The following MRC1 variants were observed in gnomAD, a reference collection of about 807,000 sequenced individuals.
MRC1 encodes the protein mannose receptor C-type 1.
A neutral mutation model predicts 102.9 loss-of-function variants in MRC1; 62 were observed. The observed-to-expected ratio is 0.60, with a 90% CI of 0.49 to 0.74. The LOEUF (loss-of-function observed/expected upper bound fraction) is 0.74, where lower values mean the gene tolerates loss of function less well. Among genes scored for constraint, MRC1 ranks in the 30% least tolerant of loss-of-function variants. The pLI, the probability that MRC1 is intolerant of heterozygous loss-of-function variation, is 0.00. For missense variants in MRC1, 1,237 were observed against 862.8 expected, an observed-to-expected ratio of 1.43 and a Z score of -5.43; for synonymous variants, 457 against 298.4, an observed-to-expected ratio of 1.53 and a Z score of -5.48.
intron 8 of MRC1, among the ~76,000 whole-genome samples, chr10:17,855,942 G>C (rs1833083348): frequency 6.6e-6 from 1 of 152,100 alleles, no homozygotes; most frequent in African/African-American, 2.4e-5. Context: ...GCCAAGGTGG[G>C]TGGATCGCCT....
At chr10:17,830,652 C>T (rs1554838986) in intron 3 of MRC1, among the ~76,000 whole-genome samples, 1 of 151,250 alleles carries the variant, frequency 6.6e-6, no homozygotes, top group African/African-American at 2.5e-5. Flanking sequence ...GTTTAGCTTC[C>T]AGCATCAGTT....
chr10:17,823,133 C>G lies in MRC1; in HGVS notation c.121C>G (p.Pro41Ala). ...DHKRCVDAVS[P>A]SAVQTAACNQ... ...CAAGCGCTGCGTGGATGCAGTGAGT[C>G]CCAGTGCCGTCCAAACCGCAGCTTG... Residue 41 changes from proline to alanine, a missense_variant, in exon 2 of 30, where the codon CCC becomes GCC. By Grantham distance (27) the Pro-to-Ala change is conservative (BLOSUM62 -1). Coordinates refer to ENST00000569591, the MANE Select transcript of MRC1 (RefSeq NM_002438.4). 1.3e-6 allele frequency: 1 copy of G among 780,810 alleles called. No individual in the cohort carries two copies. The highest frequency in any genetic ancestry group is 2.4e-6 in the Non-Finnish European group (1 of 417,952). The allele number at this position is 780,810 out of a possible 1,614,324, so 48.4% of individuals were successfully genotyped here. A position where few individuals can be genotyped will look rare whatever the true frequency, so the allele number is the denominator to read the frequency against.
At chr10:17,861,760 A>T (rs1237132096) in intron 10 of MRC1, among the ~76,000 whole-genome samples, 2 of 152,168 alleles carry the variant, frequency 1.3e-5, no homozygotes, top group Non-Finnish European at 2.9e-5. Flanking sequence ...TAGTTTATGG[A>T]GCTAACTTTT....
intron 1 of MRC1, among the ~76,000 whole-genome samples, chr10:17,817,100 T>C (rs1838323841): frequency 6.6e-6 from 1 of 151,828 alleles, no homozygotes; most frequent in Non-Finnish European, 1.5e-5. Context: ...ATACAAAAAT[T>C]AGCTGGGTGT....
At chr10:17,846,753 C>T (rs1838831627) in intron 6 of MRC1, among the ~76,000 whole-genome samples, 1 of 152,120 alleles carries the variant, frequency 6.6e-6, no homozygotes, top group Admixed American at 6.6e-5. Flanking sequence ...AGAATATAAA[C>T]AGCTTCTATG....
rs1833779405 is a variant in MRC1, at chr10:17,898,049, ATCC to A, written c.3270_3272del (p.Pro1091del). On this transcript the variant is annotated inframe_deletion, in exon 24 of 30. Transcript: ENST00000569591. ...TTTTATCTAGACCCTTCCTTGACTA[ATCC>A]TCCAGCAACGATTCAAACAGATGGC... The A allele has an allele frequency of 3.8e-6, 3 of 780,696 alleles. No homozygotes were observed. The highest frequency in any genetic ancestry group is 7.2e-6 in the Non-Finnish European group (3 of 417,946). The allele number at this position is 780,696 out of a possible 1,614,324, so 48.4% of individuals were successfully genotyped here. A position where few individuals can be genotyped will look rare whatever the true frequency, so the allele number is the denominator to read the frequency against.
chr10:17,899,033 AG>A (rs2130715289), intron 24 of MRC1, among the ~76,000 whole-genome samples: 1 of 152,226 alleles, frequency 6.6e-6, no homozygotes, highest in South Asian at 2.1e-4. Context: ...AGGACCAAGA[AG>A]GTTCCTCAGA....
chr10:17,907,674 G>A lies in MRC1; in HGVS notation c.4054G>A (p.Gly1352Arg). The A allele has an allele frequency of 1.3e-6, 1 of 780,808 alleles. No individual in the cohort carries two copies. Among genetic ancestry groups the A allele is most frequent in the South Asian group, 1.3e-5 (1 of 74,608 alleles). The allele number at this position is 780,808 out of a possible 1,614,324, so 48.4% of individuals were successfully genotyped here. Residue 1352 changes from glycine to arginine, a missense_variant, in exon 28 of 30, where the codon GGA (glycine) becomes AGA (arginine). Transcript: ENST00000569591. ...WSNIHCSSYK[G>R]YICKRPKIID... ...TAATATTCACTGTTCATCCTACAAAGGATATATTTGTAAAAGACCAAAAAG... is the reference window on the plus strand; with the variant it reads ...TAATATTCACTGTTCATCCTACAAAAGATATATTTGTAAAAGACCAAAAAG...
intron 22 of MRC1, among the ~76,000 whole-genome samples, chr10:17,889,912 C>G (rs1348629461): frequency 3.9e-5 from 6 of 152,246 alleles, no homozygotes; most frequent in African/African-American, 1.2e-4. Flanking sequence ...TTTATTCCTT[C>G]TCTAATGCTT....
intron 1 of MRC1, among the ~76,000 whole-genome samples, chr10:17,819,965 A>C (rs1250868728): frequency 6.6e-6 from 1 of 152,242 alleles, no homozygotes; most frequent in East Asian, 1.9e-4. Context: ...GAACAAACAA[A>C]AACAGAAATA....
At chr10:17,818,769 A>G (rs1276289323) in intron 1 of MRC1, among the ~76,000 whole-genome samples, 1 of 152,244 alleles carries the variant, frequency 6.6e-6, no homozygotes, top group Non-Finnish European at 1.5e-5. Context: ...ACTGTACTCC[A>G]GCCTGGGTGA....
intron 15 of MRC1, among the ~76,000 whole-genome samples, chr10:17,872,564 C>T (rs966954410): frequency 3.3e-5 from 5 of 152,218 alleles, no homozygotes; most frequent in Non-Finnish European, 5.9e-5. Context: ...AAATGTTCCA[C>T]ACAGTGAACA....
chr10:17,885,193 A>G (rs1441116017), intron 21 of MRC1, 76 bp from the exon 22 acceptor site: 2 of 776,726 alleles, frequency 2.6e-6, no homozygotes, highest in African/African-American at 1.7e-5. Flanking sequence ...TTTGAAATTC[A>G]TATATTTTGA....
intron 9 of MRC1, among the ~76,000 whole-genome samples, chr10:17,860,277 T>TG (rs1230877522): frequency 6.6e-6 from 1 of 151,482 alleles, no homozygotes; most frequent in African/African-American, 2.4e-5. Flanking sequence ...CATTTCTGTT[T>TG]TTTTTTTTTT....
intron 1 of MRC1, among the ~76,000 whole-genome samples, chr10:17,817,555 T>C (rs1282135508): frequency 6.6e-6 from 1 of 152,280 alleles, no homozygotes; most frequent in South Asian, 2.1e-4. Flanking sequence ...GTGGTCATTG[T>C]TTGTCAAGTA....
chr10:17,879,962 C>A (rs1833491095), intron 19 of MRC1, 141 bp downstream of exon 19: 3 of 736,460 alleles, frequency 4.1e-6, no homozygotes. Context: ...TTTTGGCAGC[C>A]TAACAGTTCA....
chr10:17,823,444 C>T lies in MRC1; in HGVS notation c.432C>T (p.Thr144=), dbSNP rs782629754. 3.8e-6 allele frequency: 3 copies of T among 780,836 alleles called. No homozygotes were observed. Among genetic ancestry groups the T allele is most frequent in the Admixed American group, 1.7e-5 (1 of 59,030 alleles). 48.4% of individuals were successfully genotyped at this position (780,836 alleles called of 1,614,324 possible). Residue 144 remains threonine, a synonymous_variant, in exon 2 of 30, where the codon ACC becomes ACT. Transcript: ENST00000569591. ...GLWSRWKIYG[T]TDNLCSRGYE... Reference sequence around the variant, plus strand: ...GGAGCAGGTGGAAGATCTATGGAACCACAGACAATCTGTGCTCCAGAGGTT... The same window carrying T: ...GGAGCAGGTGGAAGATCTATGGAACTACAGACAATCTGTGCTCCAGAGGTT...
At chr10:17,869,706 A>T (rs1171728140) in intron 12 of MRC1, among the ~76,000 whole-genome samples, 2 of 152,216 alleles carry the variant, frequency 1.3e-5, no homozygotes, top group African/African-American at 4.8e-5. Context: ...AGTTGTTAAG[A>T]TGTACAACCA....
chr10:17,906,788 G>A, intron 26 of MRC1, 98 bp from the exon 27 acceptor site: 1 of 775,886 alleles, frequency 1.3e-6, no homozygotes, highest in South Asian at 1.4e-5. Flanking sequence ...GGAGATGTTA[G>A]GCTGATTTTT....
Sources: gnomAD v4.1 joint callset for allele counts (sites outside exome capture counted in the v4.1 genomes callset) on GRCh38, gnomAD v4.1.1 for gene constraint, MANE v1.5 for transcripts, NCBI Gene and HGNC (gene_info 2026-07-23, HGNC 2026-07-21) for gene names.